ZNF117: variants seen among roughly 807,000 people sequenced by gnomAD.
ZNF117 encodes the protein Krueppel-related zinc finger protein.
In ZNF117, 37 loss-of-function variants were observed where a neutral mutation model predicts 41.2. The ratio of observed to expected loss-of-function variants is 0.90; its 90% CI spans 0.69 to 1.18. The LOEUF is 1.18. ZNF117 is among the 50% of genes most tolerant of loss of function. The pLI, the probability that ZNF117 is intolerant of heterozygous loss-of-function variation, is 0.00. For synonymous variants in ZNF117, 186 were observed against 186.6 expected, an observed-to-expected ratio of 1.00 and a Z score of 0.02; for missense variants, 546 against 557.5, an observed-to-expected ratio of 0.98 and a Z score of 0.21.
At chr7:64,991,016 A>G in exon 1 of ZNF117, 1 of 469,334 alleles carries the variant, frequency 2.1e-6, no homozygotes, top group Non-Finnish European at 3.8e-6. Flanking sequence ...AGGGGTTAAT[A>G]CTTAGTTAGG....
At chr7:64,972,338 C>T (rs972464756), downstream of ZNF117, 1 of 151,928 alleles carries the variant, frequency 6.6e-6, no homozygotes, top group African/African-American at 2.4e-5. Flanking sequence ...AATGAAGAAA[C>T]ATTTATGCTT....
At chr7:64,984,166 C>T (rs1786088102), upstream of ZNF117, among the ~76,000 whole-genome samples, 1 of 151,928 alleles carries the variant, frequency 6.6e-6, no homozygotes, top group Non-Finnish European at 1.5e-5. Context: ...GAGTCTTGCT[C>T]TGTCATCCAG....
At chr7:64,974,912 C>T (rs936251905) in exon 3 of ZNF117, 1 of 151,882 alleles carries the variant, frequency 6.6e-6, no homozygotes, top group Non-Finnish European at 1.5e-5. Context: ...AATACCTATT[C>T]ATATGCCTGT....
chr7:64,982,843 C>G (rs1786060366), upstream of ZNF117, among the ~76,000 whole-genome samples: 1 of 152,202 alleles, frequency 6.6e-6, no homozygotes. Flanking sequence ...GTAAAGAAAT[C>G]TGTCCAAGAG....
At chr7:64,973,594 A>G (rs533800982), downstream of ZNF117, 1 of 152,130 alleles carries the variant, frequency 6.6e-6, no homozygotes, top group Admixed American at 6.5e-5. Context: ...TCCAATAAAA[A>G]GCAATTTTTG....
chr7:64,977,400 G>A, exon 3 of ZNF117: 1 of 425,026 alleles, frequency 2.4e-6, no homozygotes, highest in South Asian at 1.9e-5. Context: ...ACATTTGTAA[G>A]GTTTCTCTCC....
chr7:64,975,650 G>A (rs1785870085), exon 3 of ZNF117: 1 of 151,950 alleles, frequency 6.6e-6, no homozygotes, highest in South Asian at 2.1e-4. Flanking sequence ...TAAAAATTTT[G>A]TAATTTTTTC....
upstream of ZNF117, among the ~76,000 whole-genome samples, chr7:64,983,343 T>G (rs995180550): frequency 2.0e-5 from 3 of 152,142 alleles, no homozygotes; most frequent in African/African-American, 2.4e-5. Flanking sequence ...AAATTCATAA[T>G]GAGATTTCTA....
chr7:64,977,908 T>C, exon 3 of ZNF117: 1 of 1,218,968 alleles, frequency 8.2e-7, no homozygotes, highest in Non-Finnish European at 1.2e-6. Context: ...TTGTAGGGTT[T>C]CTCTCCAGTA....
At chr7:64,977,416 G>A (rs1296255739) in exon 3 of ZNF117, 7 of 434,262 alleles carry the variant, frequency 1.6e-5, no homozygotes, top group Non-Finnish European at 3.2e-5. Context: ...TCTCCTGTAT[G>A]AATTTTCTTA....
exon 3 of ZNF117, chr7:64,979,263 T>C (rs757790898): frequency 2.5e-6 from 4 of 1,602,146 alleles, no homozygotes; most frequent in Middle Eastern, 3.4e-4. Flanking sequence ...ATTTTCAGTA[T>C]GTCTCATCTT....
chr7:64,978,823 C>T (rs1196296061), exon 3 of ZNF117: 1 of 1,613,214 alleles, frequency 6.2e-7, no homozygotes, highest in South Asian at 1.1e-5. Flanking sequence ...TCTTCACATT[C>T]ATAACGTTTC....
At chr7:64,976,996 G>C (rs758624106) in exon 3 of ZNF117, 1 of 532,844 alleles carries the variant, frequency 1.9e-6, no homozygotes, top group Non-Finnish European at 3.8e-6. Context: ...TCTCCAGTAC[G>C]ATTTTTCTTA....
At chr7:64,981,440 T>C in exon 2 of ZNF117, 1 of 1,612,938 alleles carries the variant, frequency 6.2e-7, no homozygotes, top group Non-Finnish European at 8.5e-7. Context: ...CTCTTTTCCT[T>C]GCTCCAGACA....
exon 3 of ZNF117, chr7:64,978,028 T>G (rs1785928023): frequency 7.1e-7 from 1 of 1,399,798 alleles, no homozygotes; most frequent in Non-Finnish European, 9.9e-7. Context: ...TTAGTAAGGG[T>G]TGAGAAATGG....
At chr7:64,981,057 G>C (rs1226662446) in intron 2 of ZNF117, 3 of 270,234 alleles carry the variant, frequency 1.1e-5, no homozygotes, top group Non-Finnish European at 2.1e-5. Context: ...GTTTAACATA[G>C]AGTTTCTCAA....
At chr7:64,973,712 AAGG>A (rs1030549579), downstream of ZNF117, 13 of 152,062 alleles carry the variant, frequency 8.5e-5, no homozygotes, top group African/African-American at 2.6e-4. Context: ...ATAGAAAAAG[AAGG>A]AGAAGGGCTG....
intron 1 of ZNF117, among the ~76,000 whole-genome samples, chr7:64,989,202 C>T (rs7789394): frequency 0.38 from 56,911 of 149,608 alleles, 11,038 homozygotes; most frequent in Middle Eastern, 0.43. Context: ...TATATATAAA[C>T]GACTCATAGA....
chr7:64,979,325 T>C (rs1214194239), exon 3 of ZNF117: 2 of 1,592,816 alleles, frequency 1.3e-6, no homozygotes, highest in Non-Finnish European at 1.7e-6. Context: ...ATTTATTACA[T>C]TGAAATATTT....
Sources: gnomAD v4.1 joint callset for allele counts (sites outside exome capture counted in the v4.1 genomes callset) on GRCh38, gnomAD v4.1.1 for gene constraint, MANE v1.5 for transcripts, NCBI Gene and HGNC (gene_info 2026-07-23, HGNC 2026-07-21) for gene names.